The following SLC39A11 variants were observed in gnomAD, a reference collection of about 807,000 sequenced individuals.
The protein encoded by SLC39A11 is zinc transporter ZIP11.
SLC39A11 carries 33 observed loss-of-function variants against 36.1 expected under a neutral mutation model. The ratio of observed to expected loss-of-function variants is 0.91; its 90% CI spans 0.69 to 1.22. The LOEUF is 1.22. Ranked by LOEUF, SLC39A11 falls within the 50% of genes most tolerant of loss-of-function variation. SLC39A11 has a pLI of 0.00. For missense variants in SLC39A11, 432 were observed against 430.3 expected (o/e 1.00, Z -0.03); for synonymous variants, 166 against 170.3 (o/e 0.97, Z 0.20).
At chr17:72,808,130 G>A (rs1252530450) in intron 6 of SLC39A11, among the ~76,000 whole-genome samples, 1 of 152,138 alleles carries the variant, frequency 6.6e-6, no homozygotes, top group Non-Finnish European at 1.5e-5. Context: ...TCTTATCACT[G>A]GTCATATTTA....
At chr17:72,888,112 G>A (rs947087103) in intron 5 of SLC39A11, among the ~76,000 whole-genome samples, 7 of 152,192 alleles carry the variant, frequency 4.6e-5, no homozygotes, top group Non-Finnish European at 7.3e-5. Context: ...TCCCAGAGTC[G>A]TATGAGTCAG....
intron 6 of SLC39A11, among the ~76,000 whole-genome samples, chr17:72,824,036 CA>C (rs35071443): frequency 6.6e-6 from 1 of 151,060 alleles, no homozygotes; most frequent in East Asian, 1.9e-4. Context: ...AATAAAAGCA[CA>C]AAAAAACATA....
intron 5 of SLC39A11, among the ~76,000 whole-genome samples, chr17:72,852,181 G>A (rs1230342276): frequency 1.3e-4 from 13 of 103,398 alleles, no homozygotes; most frequent in African/African-American, 4.4e-4. Flanking sequence ...CTCCAGCCTG[G>A]GCAACAGAGC....
intron 6 of SLC39A11, chr17:72,838,150 A>G: frequency 2.4e-6 from 1 of 409,750 alleles, no homozygotes. Flanking sequence ...ATTAAAAATT[A>G]AAAAGATAGT....
rs144318412 is a variant in SLC39A11 at position 72,802,927 on chromosome 17, G to A, written c.601+46707C>T. Among the ~76,000 whole-genome samples the A allele has an allele frequency of 2.4e-3, 363 of 152,316 alleles. 2 individuals are homozygous for A. The highest frequency in any genetic ancestry group is 4.2e-3 in the Non-Finnish European group (289 of 68,026). On this transcript the variant is annotated intron_variant, in intron 6 of 9. Coordinates refer to ENST00000255559, the MANE Select transcript of SLC39A11 (RefSeq NM_139177.4). ...CCACCTTCAGGCTGGAAACGTCCATGGAGTCCCTCTGCCTGCTGGGGACAA... is the reference window on the plus strand; with the variant it reads ...CCACCTTCAGGCTGGAAACGTCCATAGAGTCCCTCTGCCTGCTGGGGACAA...
chr17:72,704,939 T>C (rs990363741), intron 7 of SLC39A11, among the ~76,000 whole-genome samples: 1 of 152,144 alleles, frequency 6.6e-6, no homozygotes, highest in Non-Finnish European at 1.5e-5. Context: ...CCTGGGAGGA[T>C]ATAGGGCTGG....
rs777281929 is a variant in SLC39A11, at chr17:72,647,576, T to C, written c.*8A>G. ...ATGGCCTTTCCCGGGGTCCGAAGCGTCTCAGCCCTAGCCCAGGCCAACGTC... is the reference window on the plus strand; with the variant it reads ...ATGGCCTTTCCCGGGGTCCGAAGCGCCTCAGCCCTAGCCCAGGCCAACGTC... On this transcript the variant is annotated 3_prime_UTR_variant, in exon 10 of 10. Coordinates refer to ENST00000255559, the MANE Select transcript of SLC39A11 (RefSeq NM_139177.4). The C allele has an allele frequency of 6.2e-7, 1 of 1,613,276 alleles. No individual in the cohort carries two copies. The highest frequency in any genetic ancestry group is 1.7e-5 in the Admixed American group (1 of 59,982).
chr17:72,869,308 T>A (rs1022753838), intron 5 of SLC39A11, among the ~76,000 whole-genome samples: 17 of 152,254 alleles, frequency 1.1e-4, no homozygotes, highest in Non-Finnish European at 2.5e-4. Context: ...ACCTTGTGCA[T>A]GTTAAATACG....
In SLC39A11 at chr17:72,921,189, C is replaced by G. The variant is rs143181956; in HGVS notation, c.430+26563G>C. ...AAGAACACAAGCCCAGCATCTTGCT[C>G]CTTCCCATGACCTGGCTTAACAAAC... On this transcript the variant is annotated intron_variant, in intron 5 of 9. Transcript: ENST00000255559. Among the ~76,000 whole-genome samples the G allele has an allele frequency of 1.1e-4, 17 of 152,326 alleles. No individual in the cohort carries two copies. In the East Asian group the frequency reaches 3.3e-3, roughly 29 times the overall value.
chr17:72,783,884 G>A (rs1413421617), intron 6 of SLC39A11, among the ~76,000 whole-genome samples: 1 of 152,178 alleles, frequency 6.6e-6, no homozygotes, highest in African/African-American at 2.4e-5. Context: ...CACACCCTCA[G>A]CCAGGAATTT....
chr17:72,683,823 G>A (rs1418511735), intron 7 of SLC39A11, among the ~76,000 whole-genome samples: 1 of 151,684 alleles, frequency 6.6e-6, no homozygotes, highest in African/African-American at 2.4e-5. Context: ...GGGAATCCTG[G>A]GACTCCATCA....
At chr17:72,971,098 G>A (rs2087416432) in intron 4 of SLC39A11, among the ~76,000 whole-genome samples, 1 of 152,136 alleles carries the variant, frequency 6.6e-6, no homozygotes, top group South Asian at 2.1e-4. Flanking sequence ...CCAATTCCCT[G>A]CTTTCTGATC....
In SLC39A11 at chr17:72,849,762, GC is replaced by G. The variant is rs1445378968; in HGVS notation, c.472del (p.Ala158GlnfsTer55). On this transcript the variant is annotated frameshift_variant, in exon 6 of 10. Transcript: ENST00000255559. LOFTEE classifies it high-confidence loss of function. ...NGEAYQRKKA[A>X]ATGLPEGPAV... The stretch of plus-strand genomic sequence containing the variant: ...AGGACCCTCTGGAAGGCCAGTGGCT[GC>G]CGCCTTCTTTCTCTGATATGCCTCA... 6.3e-7 allele frequency: 1 copy of G among 1,599,534 alleles called. No individual in the cohort carries two copies. Among genetic ancestry groups the G allele is most frequent in the Admixed American group, 1.8e-5 (1 of 56,702 alleles).
At chr17:73,053,875 G>A (rs1435888315) in intron 3 of SLC39A11, among the ~76,000 whole-genome samples, 1 of 152,206 alleles carries the variant, frequency 6.6e-6, no homozygotes, top group East Asian at 1.9e-4. Context: ...CTTCAGAGAT[G>A]TAATGAGTTT....
intron 7 of SLC39A11, among the ~76,000 whole-genome samples, chr17:72,649,991 C>T (rs574047527): frequency 6.6e-6 from 1 of 152,348 alleles, no homozygotes; most frequent in Admixed American, 6.5e-5. Flanking sequence ...CACATCCTAG[C>T]ATAGAGAGGT....
At chr17:72,688,920 G>A (rs944608063) in intron 7 of SLC39A11, among the ~76,000 whole-genome samples, 1 of 152,168 alleles carries the variant, frequency 6.6e-6, no homozygotes, top group African/African-American at 2.4e-5. Context: ...ATACCAAGGT[G>A]ATTTGTGACA....
chr17:73,034,517 T>C (rs2344990), intron 3 of SLC39A11, among the ~76,000 whole-genome samples: 105,583 of 152,156 alleles, frequency 0.69, 38,405 homozygotes, highest in East Asian at 0.89. Flanking sequence ...CCACTGCTAC[T>C]GGCCCAATTC....
chr17:73,010,642 C>T (rs1408335156), intron 4 of SLC39A11, among the ~76,000 whole-genome samples: 1 of 152,090 alleles, frequency 6.6e-6, no homozygotes, highest in African/African-American at 2.4e-5. Context: ...AAAGGTCGCT[C>T]GAAAAATGCT....
intron 7 of SLC39A11, among the ~76,000 whole-genome samples, chr17:72,698,459 C>CAAAAAAAAAAAAA (rs61454778): frequency 8.6e-5 from 8 of 92,984 alleles, no homozygotes; most frequent in Non-Finnish European, 1.3e-4. Flanking sequence ...TAATAAAAAC[C>CAAAAAAAAAAAAA]AAAAAAAAAA....
Sources: allele counts gnomAD v4.1 joint callset (sites outside exome capture counted in the v4.1 genomes callset), GRCh38; gene constraint gnomAD v4.1.1; transcripts MANE v1.5; gene names NCBI Gene and HGNC (gene_info 2026-07-23, HGNC 2026-07-21).